TMC1: variants seen among roughly 807,000 people sequenced by gnomAD.
The protein encoded by TMC1 is transmembrane channel like 1.
In TMC1, 84 loss-of-function variants were observed where a neutral mutation model predicts 105.8. That is an observed-to-expected ratio of 0.79 (90% CI 0.67 to 0.95). TMC1 has a LOEUF of 0.95. TMC1 is among the 40% of genes least tolerant of loss of function. The pLI, the probability that TMC1 is intolerant of heterozygous loss-of-function variation, is 0.00. For missense variants in TMC1, 817 were observed against 914.1 expected (o/e 0.89, Z 1.37); for synonymous variants, 315 against 311.5 (o/e 1.01, Z -0.12).
Position 72,836,178 on chromosome 9 carries a change from C to A in TMC1, c.*205C>A. The A allele has an allele frequency of 3.0e-6, 2 of 670,164 alleles. No homozygotes were observed. Among genetic ancestry groups the A allele is most frequent in the Non-Finnish European group, 5.4e-6 (2 of 370,716 alleles). The allele number at this position is 670,164 out of a possible 1,614,324, so 41.5% of individuals were successfully genotyped here. ...TCTAAACTTTATTCCAAGTCAGAAA[C>A]TGTTTCTGCAGAGCCACTCTCTCCC... On this transcript the variant is annotated 3_prime_UTR_variant, in exon 24 of 24. Transcript: ENST00000297784.
At chr9:72,777,039 G>A (rs138462409) in intron 13 of TMC1, among the ~76,000 whole-genome samples, 49 of 152,006 alleles carry the variant, frequency 3.2e-4, no homozygotes, top group African/African-American at 1.1e-3. Context: ...TCAAAACCAA[G>A]TCCTTGTTCT....
chr9:72,768,458 A>C (rs374349480), intron 12 of TMC1, among the ~76,000 whole-genome samples: 1 of 152,200 alleles, frequency 6.6e-6, no homozygotes. Flanking sequence ...GTACCCCAGA[A>C]CTTAAAGTAT....
chr9:72,709,997 A>G (rs1189797519), intron 8 of TMC1, among the ~76,000 whole-genome samples: 1 of 152,096 alleles, frequency 6.6e-6, no homozygotes, highest in Non-Finnish European at 1.5e-5. Flanking sequence ...ATTTAATGCT[A>G]TGAACTTTTA....
intron 10 of TMC1, among the ~76,000 whole-genome samples, chr9:72,746,290 C>T (rs1227669345): frequency 2.0e-5 from 3 of 152,110 alleles, no homozygotes; most frequent in African/African-American, 7.2e-5. Flanking sequence ...ATTAACTGAG[C>T]AAATAGTGGA....
rs182489799 is a variant in TMC1, at chr9:72,690,048, C to T, written c.64+1292C>T. Among the ~76,000 whole-genome samples, 11 of 151,880 alleles carry T rather than the reference C, an allele frequency of 7.2e-5. No homozygotes were observed. In the East Asian group the frequency reaches 2.1e-3, roughly 29 times the overall value. On this transcript the variant is annotated intron_variant, in intron 6 of 23. Transcript: ENST00000297784. Reference sequence around the variant, plus strand: ...TCCCTTTTTTATCTCATGTTATTCTCCTTCATATTTTATTGATTTTTATTA... The same window carrying T: ...TCCCTTTTTTATCTCATGTTATTCTTCTTCATATTTTATTGATTTTTATTA...
intron 17 of TMC1, among the ~76,000 whole-genome samples, chr9:72,796,491 G>T (rs1054531857): frequency 3.3e-5 from 5 of 152,064 alleles, no homozygotes; most frequent in Admixed American, 6.6e-5. Flanking sequence ...CTTGCAAACC[G>T]AATTCAGCAG....
intron 8 of TMC1, among the ~76,000 whole-genome samples, chr9:72,706,551 G>A (rs892777567): frequency 3.3e-5 from 5 of 152,062 alleles, no homozygotes; most frequent in Admixed American, 1.3e-4. Context: ...AACCCAATTT[G>A]TAGTCTTTTA....
chr9:72,757,370 A>G (rs1827690332), intron 12 of TMC1, among the ~76,000 whole-genome samples: 1 of 152,220 alleles, frequency 6.6e-6, no homozygotes, highest in Non-Finnish European at 1.5e-5. Flanking sequence ...TGGAGAAAAT[A>G]ATAGTATCTA....
At chr9:72,571,052 G>T (rs1824274349) in intron 1 of TMC1, among the ~76,000 whole-genome samples, 1 of 150,440 alleles carries the variant, frequency 6.6e-6, no homozygotes, top group East Asian at 2.0e-4. Context: ...GCTGGGCATG[G>T]TGGCTCATGG....
At chr9:72,794,331 G>A (rs890891731) in intron 17 of TMC1, among the ~76,000 whole-genome samples, 14 of 152,158 alleles carry the variant, frequency 9.2e-5, no homozygotes, top group South Asian at 2.1e-4. Flanking sequence ...GTGCCAAGCC[G>A]TAATCTACAG....
In TMC1 at chr9:72,561,117, T is replaced by C. The variant is rs1564410827; in HGVS notation, c.-427-16785T>C. ...TCATGAGGTCAGGAGATCAGGAGAT[T>C]GAGACCATCCTGGCTAACACGGTGA... On this transcript the variant is annotated intron_variant, in intron 1 of 23. Coordinates refer to ENST00000297784, the MANE Select transcript of TMC1 (RefSeq NM_138691.3). 3.3e-5 allele frequency among the ~76,000 whole-genome samples: 5 copies of C among 151,356 alleles called. No individual in the cohort carries two copies. The South Asian group carries it at 1.0e-3, about 32-fold the overall frequency.
At position 72,548,464 on chromosome 9, in the gene TMC1, CT is replaced by C. The variant is rs1168806743; in HGVS notation, c.-428+26553del. ...AGGCGCACGCCTGTAATCCCAGCTA[CT>C]TGGGAGGCTGAGGCAGGAGAACTGC... On this transcript the variant is annotated intron_variant, in intron 1 of 23. Coordinates refer to ENST00000297784, the MANE Select transcript of TMC1 (RefSeq NM_138691.3). Among the ~76,000 whole-genome samples, 15 of 151,546 alleles carry C rather than the reference CT, an allele frequency of 9.9e-5. No homozygotes were observed. The South Asian group carries it at 3.1e-3, about 32-fold the overall frequency.
chr9:72,808,557 A>G (rs1395901237), intron 18 of TMC1, among the ~76,000 whole-genome samples: 2 of 152,242 alleles, frequency 1.3e-5, no homozygotes, highest in East Asian at 3.8e-4. Flanking sequence ...CTATGAAAAT[A>G]GAGGCCCTGA....
intron 23 of TMC1, among the ~76,000 whole-genome samples, chr9:72,833,733 A>G (rs1030902844): frequency 6.6e-6 from 1 of 152,200 alleles, no homozygotes; most frequent in Non-Finnish European, 1.5e-5. Flanking sequence ...ATATCCCTTC[A>G]AAATAGTATT....
At chr9:72,644,967 C>T (rs1032624958) in intron 4 of TMC1, among the ~76,000 whole-genome samples, 6 of 151,984 alleles carry the variant, frequency 3.9e-5, no homozygotes, top group Non-Finnish European at 8.8e-5. Flanking sequence ...TCAAATTTAT[C>T]GTGAAGCGTG....
intron 2 of TMC1, among the ~76,000 whole-genome samples, chr9:72,591,896 A>G (rs1010853395): frequency 2.6e-5 from 4 of 152,156 alleles, no homozygotes; most frequent in African/African-American, 9.7e-5. Context: ...ATATCTGGGT[A>G]TCATTGATTT....
At chr9:72,827,284 A>C (rs1031354471) in intron 21 of TMC1, among the ~76,000 whole-genome samples, 1 of 152,206 alleles carries the variant, frequency 6.6e-6, no homozygotes, top group African/African-American at 2.4e-5. Flanking sequence ...GGGAAACATA[A>C]ATGCTAAATG....
chr9:72,584,267 CTTTT>C (rs11374672), intron 2 of TMC1, among the ~76,000 whole-genome samples: 2 of 138,152 alleles, frequency 1.4e-5, no homozygotes, highest in Non-Finnish European at 1.6e-5. Context: ...AATGTCACTA[CTTTT>C]TTTTTTTTTT....
intron 5 of TMC1, among the ~76,000 whole-genome samples, chr9:72,650,895 T>TATATATATATATATATATAG (rs1564468521): frequency 2.8e-5 from 4 of 141,632 alleles, no homozygotes; most frequent in Non-Finnish European, 4.6e-5. Context: ...TATATAGATA[T>TATATATATATATATATATAG]ATATATAAAT....
Sources: allele counts gnomAD v4.1 joint callset (sites outside exome capture counted in the v4.1 genomes callset), GRCh38; gene constraint gnomAD v4.1.1; transcripts MANE v1.5; gene names NCBI Gene and HGNC (gene_info 2026-07-23, HGNC 2026-07-21).